Variants in TTC39B observed in about 807,000 individuals in gnomAD.
TTC39B encodes the protein tetratricopeptide repeat protein 39B.
A neutral mutation model predicts 96.6 loss-of-function variants in TTC39B; 92 were observed. The ratio of observed to expected loss-of-function variants is 0.95; its 90% CI spans 0.80 to 1.13. The LOEUF (loss-of-function observed/expected upper bound fraction) is 1.13, where lower values mean the gene tolerates loss of function less well. Among genes scored for constraint, TTC39B ranks in the 50% most tolerant of loss-of-function variants. The pLI is 0.00. For synonymous variants in TTC39B, 367 were observed against 299.4 expected (o/e 1.23, Z -2.33); for missense variants, 955 against 809.3 (o/e 1.18, Z -2.18).
intron 16 of TTC39B, 120 bp from the exon 17 acceptor site, chr9:15,182,535 C>T (rs1308103001): frequency 1.7e-6 from 1 of 585,078 alleles, no homozygotes; most frequent in Non-Finnish European, 2.9e-6. Flanking sequence ...ACAATATTTA[C>T]AGATCATTTT....
chr9:15,248,676 C>T (rs1822394253), intron 2 of TTC39B, among the ~76,000 whole-genome samples: 1 of 152,128 alleles, frequency 6.6e-6, no homozygotes, highest in Admixed American at 6.5e-5. Flanking sequence ...TTAAGTAAGG[C>T]AGAATTTCCT....
intron 2 of TTC39B, among the ~76,000 whole-genome samples, chr9:15,256,532 A>T (rs746570692): frequency 6.6e-5 from 10 of 152,236 alleles, no homozygotes; most frequent in Non-Finnish European, 1.2e-4. Context: ...ACCCATCGTT[A>T]TAGAACTTGG....
intron 2 of TTC39B, among the ~76,000 whole-genome samples, chr9:15,263,260 G>C (rs1004376153): frequency 1.3e-5 from 2 of 152,204 alleles, no homozygotes; most frequent in Admixed American, 6.5e-5. Flanking sequence ...GAGCAGAAAA[G>C]TACCGATGTT....
chr9:15,283,087 T>C (rs1321655207), intron 1 of TTC39B, among the ~76,000 whole-genome samples: 2 of 152,186 alleles, frequency 1.3e-5, no homozygotes, highest in African/African-American at 4.8e-5. Context: ...CTATAAGCTC[T>C]ATCCACAAGC....
At chr9:15,223,199 G>C (rs914574689) in intron 3 of TTC39B, among the ~76,000 whole-genome samples, 3 of 152,182 alleles carry the variant, frequency 2.0e-5, no homozygotes, top group Non-Finnish European at 2.9e-5. Flanking sequence ...ATCCTTTTGT[G>C]GGAAGATTCT....
intron 2 of TTC39B, among the ~76,000 whole-genome samples, chr9:15,242,609 A>T (rs1357678349): frequency 6.6e-6 from 1 of 152,142 alleles, no homozygotes; most frequent in Non-Finnish European, 1.5e-5. Context: ...AGAAAGAAGA[A>T]TTGGAAGAAA....
chr9:15,203,426 T>C (rs1356758036), intron 7 of TTC39B, among the ~76,000 whole-genome samples: 2 of 151,422 alleles, frequency 1.3e-5, no homozygotes, highest in East Asian at 1.9e-4. Flanking sequence ...AATTTTTTTT[T>C]TTTTTTGTAT....
At chr9:15,203,693 AT>A (rs1819676664) in intron 7 of TTC39B, 129 bp downstream of exon 7, 2 of 674,032 alleles carry the variant, frequency 3.0e-6, no homozygotes, top group Admixed American at 6.6e-5. Flanking sequence ...GTTTATCAGA[AT>A]AACAAATATT....
chr9:15,220,736 T>C (rs547801837), intron 3 of TTC39B, among the ~76,000 whole-genome samples: 1 of 152,260 alleles, frequency 6.6e-6, no homozygotes, highest in African/African-American at 2.4e-5. Context: ...AGAGTTTGTA[T>C]AACCAGTTCC....
At chr9:15,168,861 A>C (rs1221472123) in exon 20 of TTC39B, 1 of 152,154 alleles carries the variant, frequency 6.6e-6, no homozygotes, top group Non-Finnish European at 1.5e-5. Context: ...GAAAGTATTA[A>C]CACCGGGGAT....
chr9:15,175,147 G>A lies in TTC39B; in HGVS notation c.1842-12C>T. 1 of 1,559,976 alleles carries A rather than the reference G, an allele frequency of 6.4e-7. No individual in the cohort carries two copies. The highest frequency in any genetic ancestry group is 8.8e-7 in the Non-Finnish European group (1 of 1,132,562). On this transcript the variant is annotated splice_polypyrimidine_tract_variant and intron_variant, in intron 18 of 19. Coordinates refer to ENST00000512701, the Ensembl canonical transcript of TTC39B. ...TCAGTAGCTTTTCACTGAAAGAGCA[G>A]AGGAAAATCAAGTAAATCTTAACAG...
At chr9:15,266,559 G>C (rs1823137704) in intron 2 of TTC39B, among the ~76,000 whole-genome samples, 1 of 152,148 alleles carries the variant, frequency 6.6e-6, no homozygotes, top group Non-Finnish European at 1.5e-5. Context: ...TAATGTGACA[G>C]TTTAAACCAC....
At chr9:15,173,857 T>C (rs1453846525) in intron 19 of TTC39B, among the ~76,000 whole-genome samples, 1 of 152,162 alleles carries the variant, frequency 6.6e-6, no homozygotes, top group East Asian at 1.9e-4. Flanking sequence ...AGAATCATGG[T>C]CTGAACAGAA....
At chr9:15,232,072 C>T (rs1437939313) in intron 2 of TTC39B, among the ~76,000 whole-genome samples, 1 of 152,126 alleles carries the variant, frequency 6.6e-6, no homozygotes, top group Admixed American at 6.6e-5. Flanking sequence ...AGCTATGTCC[C>T]CCCTCCCCAA....
At chr9:15,226,064 AAAGTCTAC>A (rs1821108495) in intron 2 of TTC39B, 52 bp from the exon 3 acceptor site, 3 of 1,532,258 alleles carry the variant, frequency 2.0e-6, no homozygotes, top group Non-Finnish European at 2.7e-6. Flanking sequence ...TCCTGTGAGA[AAAGTCTAC>A]ACCAGTGCAA....
exon 20 of TTC39B, chr9:15,170,829 C>T (rs1333533792): frequency 6.6e-6 from 1 of 152,170 alleles, no homozygotes; most frequent in African/African-American, 2.4e-5. Context: ...AAAAATAAAA[C>T]ACTCCAAGTG....
At chr9:15,275,994 A>G (rs1321634943) in intron 1 of TTC39B, among the ~76,000 whole-genome samples, 3 of 152,248 alleles carry the variant, frequency 2.0e-5, no homozygotes, top group Admixed American at 2.0e-4. Flanking sequence ...ATGCTGATAT[A>G]TAAATACCAT....
intron 2 of TTC39B, among the ~76,000 whole-genome samples, chr9:15,254,228 T>C (rs1230209124): frequency 1.3e-5 from 2 of 151,774 alleles, no homozygotes; most frequent in Non-Finnish European, 2.9e-5. Flanking sequence ...TTTGATGGAG[T>C]AGGTCTCAGA....
intron 6 of TTC39B, among the ~76,000 whole-genome samples, chr9:15,209,324 C>G (rs1395108742): frequency 6.6e-6 from 1 of 152,194 alleles, no homozygotes; most frequent in Non-Finnish European, 1.5e-5. Flanking sequence ...TTCCTCCCAT[C>G]TATCTGATCA....
Sources: allele counts gnomAD v4.1 joint callset (sites outside exome capture counted in the v4.1 genomes callset), GRCh38; gene constraint gnomAD v4.1.1; transcripts MANE v1.5; gene names NCBI Gene and HGNC (gene_info 2026-07-23, HGNC 2026-07-21).